KIAA0232: variants seen among roughly 807,000 people sequenced by gnomAD.
The protein encoded by KIAA0232 is KIAA0232.
KIAA0232 carries 27 observed loss-of-function variants against 122.0 expected under a neutral mutation model. The ratio of observed to expected loss-of-function variants is 0.22; its 90% CI spans 0.16 to 0.31. The LOEUF is 0.31. KIAA0232 is among the 10% of genes least tolerant of loss of function. The pLI is 1.00. For missense variants in KIAA0232, 1,551 were observed against 1,634.2 expected (o/e 0.95, Z 0.88); for synonymous variants, 613 against 587.6 (o/e 1.04, Z -0.63).
At chr4:6,859,563 T>A (rs1169968705) in intron 6 of KIAA0232, among the ~76,000 whole-genome samples, 1 of 152,230 alleles carries the variant, frequency 6.6e-6, no homozygotes, top group East Asian at 1.9e-4. Flanking sequence ...TATCAGGAGT[T>A]TAGTTAAATA....
chr4:6,806,199 C>A (rs1443733167), intron 2 of KIAA0232, among the ~76,000 whole-genome samples: 1 of 152,060 alleles, frequency 6.6e-6, no homozygotes, highest in Non-Finnish European at 1.5e-5. Context: ...TGTAGCCCTG[C>A]TAAAGAATTT....
chr4:6,801,861 A>C (rs1185364238), intron 1 of KIAA0232, among the ~76,000 whole-genome samples: 1 of 152,196 alleles, frequency 6.6e-6, no homozygotes, highest in Non-Finnish European at 1.5e-5. Flanking sequence ...CATGTGCTGA[A>C]ATCATACTCT....
intron 1 of KIAA0232, among the ~76,000 whole-genome samples, chr4:6,802,564 A>G (rs1449765370): frequency 1.5e-5 from 2 of 129,142 alleles, no homozygotes; most frequent in Admixed American, 8.5e-5. Context: ...CAGCCCCCTT[A>G]CTAAATAACT....
At chr4:6,826,731 G>T (rs968378025) in intron 3 of KIAA0232, among the ~76,000 whole-genome samples, 15 of 152,166 alleles carry the variant, frequency 9.9e-5, no homozygotes, top group Non-Finnish European at 1.8e-4. Context: ...TTTTTAGTAG[G>T]ACTTGAACTT....
intron 1 of KIAA0232, among the ~76,000 whole-genome samples, chr4:6,799,552 G>GT (rs1294200662): frequency 6.6e-6 from 1 of 152,042 alleles, no homozygotes; most frequent in African/African-American, 2.4e-5. Flanking sequence ...CTACTAGAAA[G>GT]TATCAATTTG....
At chr4:6,802,558 C>T (rs1717430626) in intron 1 of KIAA0232, among the ~76,000 whole-genome samples, 1 of 151,328 alleles carries the variant, frequency 6.6e-6, no homozygotes, top group Non-Finnish European at 1.5e-5. Flanking sequence ...ACCCACCAGC[C>T]CCCTTACTAA....
intron 3 of KIAA0232, among the ~76,000 whole-genome samples, chr4:6,836,105 T>A (rs184124897): frequency 1.3e-5 from 2 of 152,334 alleles, no homozygotes; most frequent in Admixed American, 1.3e-4. Context: ...AGCGTTCCTA[T>A]CTCTCCACAT....
intron 7 of KIAA0232, among the ~76,000 whole-genome samples, chr4:6,864,792 A>G (rs993756806): frequency 2.6e-5 from 4 of 152,064 alleles, no homozygotes; most frequent in African/African-American, 9.7e-5. Context: ...AAAACCTAAC[A>G]TGAAAGTGTT....
chr4:6,870,624 A>G (rs1296101702), intron 7 of KIAA0232, among the ~76,000 whole-genome samples: 2 of 151,792 alleles, frequency 1.3e-5, no homozygotes, highest in African/African-American at 4.8e-5. Context: ...CCAACGTGGC[A>G]AAACCCTGTC....
intron 3 of KIAA0232, among the ~76,000 whole-genome samples, chr4:6,833,870 C>A (rs1338120978): frequency 6.6e-6 from 1 of 152,012 alleles, no homozygotes; most frequent in South Asian, 2.1e-4. Flanking sequence ...CCTTTAATAC[C>A]ACCTTGACTT....
chr4:6,807,070 C>T (rs548024443), intron 2 of KIAA0232, among the ~76,000 whole-genome samples: 1 of 149,528 alleles, frequency 6.7e-6, no homozygotes, highest in African/African-American at 2.5e-5. Flanking sequence ...ATCTATCTAT[C>T]TATCTATCTA....
In KIAA0232 at chr4:6,862,794, T is replaced by C. The variant is rs1720949041; in HGVS notation, c.2412T>C (p.Asn804=). The part of the protein sequence containing the change: ...IQLEQKTENK[N]FETTQVCNES... ...TAGAACAAAAAACAGAAAACAAAAA[T>C]TTTGAAACTACACAAGTATGTAATG... The change falls in exon 7 of 10, where the codon AAT becomes AAC. Residue 804 remains asparagine (N), a synonymous_variant. Transcript: ENST00000307659. 1 of 1,613,856 alleles carries C rather than the reference T, an allele frequency of 6.2e-7. No individual in the cohort carries two copies. Among genetic ancestry groups the C allele is most frequent in the African/African-American group, 1.3e-5 (1 of 74,878 alleles).
intron 2 of KIAA0232, among the ~76,000 whole-genome samples, chr4:6,818,719 A>C (rs562285091): frequency 2.0e-5 from 3 of 152,256 alleles, no homozygotes; most frequent in Admixed American, 2.0e-4. Context: ...GAAAAAAAAA[A>C]AAACTATTAC....
At chr4:6,850,354 C>T (rs1014731153) in intron 4 of KIAA0232, among the ~76,000 whole-genome samples, 5 of 152,124 alleles carry the variant, frequency 3.3e-5, no homozygotes, top group African/African-American at 1.2e-4. Flanking sequence ...TCATACCCCG[C>T]TTGGTGTTTG....
At chr4:6,859,100 TAAAAAAAAAA>T (rs34866239) in intron 6 of KIAA0232, among the ~76,000 whole-genome samples, 1 of 106,296 alleles carries the variant, frequency 9.4e-6, no homozygotes, top group African/African-American at 3.6e-5. Flanking sequence ...TCTGTCTTAT[TAAAAAAAAAA>T]AAAAAAAAAA....
At chr4:6,845,106 C>G (rs1719882135) in intron 4 of KIAA0232, among the ~76,000 whole-genome samples, 1 of 152,228 alleles carries the variant, frequency 6.6e-6, no homozygotes. Context: ...ATTCCAGCTT[C>G]CAGCCCAGCA....
At chr4:6,869,523 C>T (rs1721357883) in intron 7 of KIAA0232, among the ~76,000 whole-genome samples, 1 of 152,218 alleles carries the variant, frequency 6.6e-6, no homozygotes, top group African/African-American at 2.4e-5. Flanking sequence ...TGCGTGGTGC[C>T]ACCTTGTTTG....
At chr4:6,858,285 T>C (rs1720668042) in intron 5 of KIAA0232, 140 bp from the exon 6 acceptor site, 1 of 565,762 alleles carries the variant, frequency 1.8e-6, no homozygotes, top group South Asian at 2.3e-5. Context: ...AGATTTTTAT[T>C]AAAAAGATCG....
At chr4:6,806,959 C>G (rs1401892341) in intron 2 of KIAA0232, among the ~76,000 whole-genome samples, 1 of 151,970 alleles carries the variant, frequency 6.6e-6, no homozygotes, top group Non-Finnish European at 1.5e-5. Flanking sequence ...ACTTCTGAAT[C>G]TATGTAGAAC....
Sources: gnomAD v4.1 joint callset for allele counts (sites outside exome capture counted in the v4.1 genomes callset) on GRCh38, gnomAD v4.1.1 for gene constraint, MANE v1.5 for transcripts, NCBI Gene and HGNC (gene_info 2026-07-23, HGNC 2026-07-21) for gene names.